Variants in PELI2 observed in about 807,000 individuals in gnomAD.
PELI2 encodes E3 ubiquitin-protein ligase pellino homolog 2.
A neutral mutation model predicts 42.3 loss-of-function variants in PELI2; 23 were observed. The observed-to-expected ratio is 0.54, with a 90% CI of 0.39 to 0.77. The LOEUF (loss-of-function observed/expected upper bound fraction) is 0.77, where lower values mean the gene tolerates loss of function less well. Ranked by LOEUF, PELI2 falls within the 30% of genes least tolerant of loss-of-function variation. The pLI, the probability that PELI2 is intolerant of heterozygous loss-of-function variation, is 0.00. For synonymous variants in PELI2, 245 were observed against 212.2 expected (o/e 1.15, Z -1.34); for missense variants, 463 against 553.2 (o/e 0.84, Z 1.64).
At chr14:56,169,154 G>A (rs758828019) in intron 1 of PELI2, among the ~76,000 whole-genome samples, 3 of 152,268 alleles carry the variant, frequency 2.0e-5, no homozygotes, top group Non-Finnish European at 4.4e-5. Context: ...GTTAGGGGAG[G>A]GGTGATGCCA....
intron 2 of PELI2, among the ~76,000 whole-genome samples, chr14:56,198,156 G>A (rs1280290147): frequency 2.6e-5 from 4 of 152,132 alleles, no homozygotes. Flanking sequence ...TGTAATGTAT[G>A]GATGATGATG....
intron 2 of PELI2, among the ~76,000 whole-genome samples, chr14:56,256,701 TA>T (rs1485328219): frequency 1.3e-5 from 2 of 152,164 alleles, no homozygotes; most frequent in East Asian, 3.8e-4. Context: ...GTAGAATAAA[TA>T]AAATTCTGAG....
intron 2 of PELI2, among the ~76,000 whole-genome samples, chr14:56,213,642 ATGTGT>A (rs1375633760): frequency 6.6e-6 from 1 of 152,166 alleles, no homozygotes; most frequent in Non-Finnish European, 1.5e-5. Context: ...GGAAGCAAAA[ATGTGT>A]TTGGGGGTGA....
chr14:56,145,123 TGG>T (rs1884067882), intron 1 of PELI2: 1 of 216,996 alleles, frequency 4.6e-6, no homozygotes, highest in Non-Finnish European at 7.8e-6. Context: ...GCAGGTAGTG[TGG>T]CTGGGGAGGC....
At chr14:56,208,965 C>G (rs7159441) in intron 2 of PELI2, among the ~76,000 whole-genome samples, 73,927 of 152,052 alleles carry the variant, frequency 0.49, 18,486 homozygotes, top group African/African-American at 0.61. Flanking sequence ...TTTTGGAAAA[C>G]TTGTATCTGC....
At chr14:56,263,958 T>C (rs1320425806) in intron 2 of PELI2, among the ~76,000 whole-genome samples, 1 of 152,154 alleles carries the variant, frequency 6.6e-6, no homozygotes, top group Non-Finnish European at 1.5e-5. Context: ...TGCAATAGCA[T>C]AAAAAATGTA....
intron 2 of PELI2, among the ~76,000 whole-genome samples, chr14:56,250,847 G>C (rs1001068780): frequency 1.3e-5 from 2 of 152,162 alleles, no homozygotes; most frequent in Non-Finnish European, 2.9e-5. Flanking sequence ...TTCACACTCA[G>C]TATTAACCAT....
rs747677151 is a variant in PELI2, at chr14:56,297,610, C to T, written c.*444C>T. On this transcript the variant is annotated 3_prime_UTR_variant, in exon 6 of 6. Coordinates refer to ENST00000267460, the MANE Select transcript of PELI2 (RefSeq NM_021255.3). The stretch of plus-strand genomic sequence containing the variant: ...GAAGGGCGCACAGTGTCTAGAAATA[C>T]TTGATCGTGGCTCAAACCTGACCAG... The T allele has an allele frequency of 1.9e-4, 33 of 169,396 alleles. No homozygotes were observed. Among genetic ancestry groups the T allele is most frequent in the Admixed American group, 1.5e-3 (27 of 18,118 alleles). The allele number at this position is 169,396 out of a possible 1,614,324, so 10.5% of individuals were successfully genotyped here. A position where few individuals can be genotyped will look rare whatever the true frequency, so the allele number is the denominator to read the frequency against.
chr14:56,247,991 C>T (rs1000439771), intron 2 of PELI2, among the ~76,000 whole-genome samples: 1 of 152,136 alleles, frequency 6.6e-6, no homozygotes, highest in Admixed American at 6.5e-5. Flanking sequence ...TGTTTTATTG[C>T]CAAGAGAAGG....
rs1350593843 is a variant in PELI2 at position 56,298,497 on chromosome 14, G to C, written c.*1331G>C. 6.6e-6 allele frequency: 1 copy of C among 152,612 alleles called. No individual in the cohort carries two copies. Among genetic ancestry groups the C allele is most frequent in the Non-Finnish European group, 1.5e-5 (1 of 68,024 alleles). 9.5% of individuals were successfully genotyped at this position (152,612 alleles called of 1,614,324 possible). A position where few individuals can be genotyped will look rare whatever the true frequency, so the allele number is the denominator to read the frequency against. ...CATGAGACTGGTAGAAGCTGGCTGA[G>C]ATAAAATAAGTATTTATTTAAACTA... is the stretch of plus-strand genomic sequence containing the variant. On this transcript the variant is annotated 3_prime_UTR_variant, in exon 6 of 6. Transcript: ENST00000267460.
chr14:56,275,132 TG>T (rs1174882044), intron 2 of PELI2, among the ~76,000 whole-genome samples: 3 of 152,142 alleles, frequency 2.0e-5, no homozygotes, highest in African/African-American at 7.2e-5. Flanking sequence ...CTGTTGATGC[TG>T]GGGTGGAAAA....
intron 1 of PELI2, among the ~76,000 whole-genome samples, chr14:56,122,602 T>G (rs544470472): frequency 2.2e-4 from 33 of 152,136 alleles, no homozygotes; most frequent in African/African-American, 7.2e-4. Flanking sequence ...GCAAGACTTT[T>G]TTTTTTTCTT....
At chr14:56,143,799 T>C (rs1884003436) in intron 1 of PELI2, among the ~76,000 whole-genome samples, 2 of 152,266 alleles carry the variant, frequency 1.3e-5, no homozygotes, top group Admixed American at 1.3e-4. Flanking sequence ...CCTTGATTTT[T>C]AGCAGCATAT....
intron 2 of PELI2, among the ~76,000 whole-genome samples, chr14:56,256,660 A>G (rs1888536429): frequency 6.6e-6 from 1 of 152,170 alleles, no homozygotes; most frequent in East Asian, 1.9e-4. Flanking sequence ...GAAAATGCAA[A>G]ACTTCAGTTT....
chr14:56,286,740 G>GT (rs965540649), intron 3 of PELI2, among the ~76,000 whole-genome samples: 47 of 151,564 alleles, frequency 3.1e-4, no homozygotes, highest in Admixed American at 5.9e-4. Context: ...TTTTTTTGTT[G>GT]TTTTTTTTGT....
Position 56,140,845 on chromosome 14 carries a change from C to G in PELI2, c.77+22108C>G, listed in dbSNP as rs74414445. ...GTGACTTGGTATTATGGGAGCTTTG[C>G]TGTTCATCCTGAGGTACAGGAGGGA... is the stretch of plus-strand genomic sequence containing the variant. On this transcript the variant is annotated intron_variant, in intron 1 of 5. Transcript: ENST00000267460. 5.6e-3 allele frequency among the ~76,000 whole-genome samples: 852 copies of G among 152,234 alleles called. 23 individuals are homozygous for G. The highest frequency in any genetic ancestry group is 0.046 in the East Asian group (239 of 5,176).
At chr14:56,269,515 A>G (rs1177719056) in intron 2 of PELI2, among the ~76,000 whole-genome samples, 1 of 152,220 alleles carries the variant, frequency 6.6e-6, no homozygotes, top group Non-Finnish European at 1.5e-5. Flanking sequence ...AAAAATCCAT[A>G]CAAACTTCAA....
At chr14:56,234,897 G>A (rs1887732816) in intron 2 of PELI2, among the ~76,000 whole-genome samples, 2 of 152,158 alleles carry the variant, frequency 1.3e-5, no homozygotes, top group African/African-American at 4.8e-5. Flanking sequence ...AGGGCTGGTT[G>A]TGGGTGCTGG....
Position 56,294,004 on chromosome 14 carries a change from G to A in PELI2, c.697-2596G>A, listed in dbSNP as rs78785848. ...TGGTCAGCAAGGTCAGGAGCCTCACGTCACCAGTTAGAGGAGAGGAGACCA... is the reference window on the plus strand; with the variant it reads ...TGGTCAGCAAGGTCAGGAGCCTCACATCACCAGTTAGAGGAGAGGAGACCA... On this transcript the variant is annotated intron_variant, in intron 5 of 5. Coordinates refer to ENST00000267460, the MANE Select transcript of PELI2 (RefSeq NM_021255.3). Among the ~76,000 whole-genome samples, 1,138 of 152,248 alleles carry A rather than the reference G, an allele frequency of 7.5e-3. 11 individuals are homozygous for A. Among genetic ancestry groups the A allele is most frequent in the African/African-American group, 0.021 (860 of 41,550 alleles).
Sources: allele counts gnomAD v4.1 joint callset (sites outside exome capture counted in the v4.1 genomes callset), GRCh38; gene constraint gnomAD v4.1.1; transcripts MANE v1.5; gene names NCBI Gene and HGNC (gene_info 2026-07-23, HGNC 2026-07-21).